CTSC: variants seen among roughly 807,000 people sequenced by gnomAD.
CTSC encodes the protein cathepsin C.
Under a neutral mutation model 40.9 loss-of-function variants are expected in CTSC, and 37 were observed. That is an observed-to-expected ratio of 0.91 (90% CI 0.70 to 1.19). CTSC has a LOEUF of 1.19. Ranked by LOEUF, CTSC falls within the 50% of genes most tolerant of loss-of-function variation. The pLI is 0.00. For missense variants in CTSC, 594 were observed against 567.3 expected, an observed-to-expected ratio of 1.05 and a Z score of -0.48; for synonymous variants, 232 against 207.4, an observed-to-expected ratio of 1.12 and a Z score of -1.02.
At chr11:88,310,599 T>C (rs551751865) in intron 3 of CTSC, among the ~76,000 whole-genome samples, 33 of 152,308 alleles carry the variant, frequency 2.2e-4, no homozygotes, top group Admixed American at 5.2e-4. Context: ...CTAAGAGCAC[T>C]GAAAATAATC....
intron 2 of CTSC, among the ~76,000 whole-genome samples, chr11:88,316,677 T>C (rs970223560): frequency 2.0e-5 from 3 of 152,172 alleles, no homozygotes; most frequent in Non-Finnish European, 2.9e-5. Flanking sequence ...AGGAAGTAAT[T>C]AACTACTAAA....
At chr11:88,335,104 A>C in intron 1 of CTSC, 22 bp from the exon 2 acceptor site, 1 of 1,487,394 alleles carries the variant, frequency 6.7e-7, no homozygotes, top group Non-Finnish European at 9.3e-7. Flanking sequence ...AAAAAAAAGC[A>C]CAATAAAGGA....
intron 2 of CTSC, 70 bp downstream of exon 2, chr11:88,334,867 T>A: frequency 1.8e-6 from 2 of 1,112,440 alleles, no homozygotes; most frequent in Admixed American, 3.4e-5. Context: ...ATTCTGAGGG[T>A]CTACTAATCA....
chr11:88,308,216 C>T (rs180967730), intron 4 of CTSC, among the ~76,000 whole-genome samples: 6 of 152,308 alleles, frequency 3.9e-5, no homozygotes, highest in Admixed American at 2.6e-4. Context: ...GTCATTTCGG[C>T]TACAGTTTAA....
intron 4 of CTSC, among the ~76,000 whole-genome samples, chr11:88,305,424 G>A (rs1389483919): frequency 6.6e-6 from 1 of 152,164 alleles, no homozygotes; most frequent in Non-Finnish European, 1.5e-5. Flanking sequence ...GAGTCTGGGG[G>A]ATAAAAAGGT....
At chr11:88,326,920 T>A (rs942313021) in intron 2 of CTSC, among the ~76,000 whole-genome samples, 7 of 152,048 alleles carry the variant, frequency 4.6e-5, no homozygotes, top group Non-Finnish European at 8.8e-5. Context: ...GAGTGAAGAG[T>A]TAAGGATAAA....
At chr11:88,297,780 A>C (rs935101859) in intron 5 of CTSC, 1 of 152,240 alleles carries the variant, frequency 6.6e-6, no homozygotes, top group Non-Finnish European at 1.5e-5. Context: ...TTCAACAGCC[A>C]AGGCCAATCT....
At chr11:88,328,163 G>T in intron 2 of CTSC, 1 of 1,613,506 alleles carries the variant, frequency 6.2e-7, no homozygotes, top group Non-Finnish European at 8.5e-7. Context: ...GTTCCCAGCT[G>T]CATGAACAAA....
intron 2 of CTSC, among the ~76,000 whole-genome samples, chr11:88,327,308 C>T (rs1415595250): frequency 3.3e-5 from 5 of 152,116 alleles, no homozygotes; most frequent in Admixed American, 6.5e-5. Context: ...ATAAGATAAA[C>T]CTATGGTGCT....
rs1944266925 is a variant in CTSC, at chr11:88,293,778, AC to A, written c.*227del. 1.7e-6 allele frequency: 1 copy of A among 585,986 alleles called. No individual in the cohort carries two copies. 36.3% of individuals were successfully genotyped at this position (585,986 alleles called of 1,614,324 possible). Reference sequence around the variant, plus strand: ...AGCAAACTCTATTACTTCATAGCTGACCATCTTCCAGAAAATTCCCACTTAA... The same window carrying A: ...AGCAAACTCTATTACTTCATAGCTGACATCTTCCAGAAAATTCCCACTTAA... On this transcript the variant is annotated 3_prime_UTR_variant, in exon 7 of 7. Coordinates refer to ENST00000227266, the MANE Select transcript of CTSC (RefSeq NM_001814.6).
intron 4 of CTSC, among the ~76,000 whole-genome samples, chr11:88,306,738 G>T (rs986709911): frequency 6.6e-6 from 1 of 152,180 alleles, no homozygotes; most frequent in African/African-American, 2.4e-5. Flanking sequence ...CAATTCTTCT[G>T]GTACACTGAG....
chr11:88,334,387 C>T (rs985303452), intron 2 of CTSC, among the ~76,000 whole-genome samples: 16 of 152,206 alleles, frequency 1.1e-4, no homozygotes, highest in African/African-American at 3.9e-4. Context: ...GCTGGGTTGA[C>T]TTGGCTACCT....
At position 88,335,088 on chromosome 11, in the gene CTSC, G is replaced by GAAA; in HGVS notation, c.173-9_173-7dup. 44 of 1,227,104 alleles carry GAAA rather than the reference G, an allele frequency of 3.6e-5. No homozygotes were observed. Among genetic ancestry groups the GAAA allele is most frequent in the Non-Finnish European group, 4.5e-5 (40 of 882,774 alleles). 76.0% of individuals were successfully genotyped at this position (1,227,104 alleles called of 1,614,324 possible). ...TACTTTTTTTTCTTGTGGTCCTAAAGAAAAAAAAAAAAAGCACAATAAAGG... is the reference window on the plus strand; with the variant it reads ...TACTTTTTTTTCTTGTGGTCCTAAAGAAAAAAAAAAAAAAAAGCACAATAAAGG... On this transcript the variant is annotated splice_polypyrimidine_tract_variant and splice_region_variant and intron_variant, in intron 1 of 6. Transcript: ENST00000227266.
At chr11:88,325,759 T>G (rs559383288) in intron 2 of CTSC, 1 of 985,434 alleles carries the variant, frequency 1.0e-6, no homozygotes, top group East Asian at 1.1e-4. Context: ...ACTGGAGGTC[T>G]ATAATCTGTA....
chr11:88,297,963 A>T (rs1944316184), intron 5 of CTSC: 1 of 152,204 alleles, frequency 6.6e-6, no homozygotes, highest in African/African-American at 2.4e-5. Context: ...AGTGAAGAAC[A>T]CACTGAACTA....
At chr11:88,322,384 C>T (rs1938042725) in intron 2 of CTSC, 1 of 152,102 alleles carries the variant, frequency 6.6e-6, no homozygotes, top group African/African-American at 2.4e-5. Context: ...TTGGGTTTTA[C>T]ATTTAAGTCT....
At chr11:88,310,490 G>A (rs1385415455) in intron 3 of CTSC, among the ~76,000 whole-genome samples, 2 of 152,094 alleles carry the variant, frequency 1.3e-5, no homozygotes, top group African/African-American at 4.8e-5. Context: ...TGCAAAACAA[G>A]ATATAATTAA....
chr11:88,294,257 G>A lies in CTSC; in HGVS notation c.1141C>T (p.Leu381Phe). Residue 381 changes from leucine to phenylalanine, a missense_variant, in exon 7 of 7, where the codon CTC (leucine) becomes TTC (phenylalanine). Transcript: ENST00000227266. ...TGGTAGATCCCCTTTTTGTAGTGGA[G>A]GAAGTCATCATATACTTCAAAAGCA... The part of the protein sequence containing the change: ...AVAFEVYDDF[L>F]HYKKGIYHHT... The A allele has an allele frequency of 6.2e-7, 1 of 1,613,916 alleles. No homozygotes were observed.
In CTSC at chr11:88,308,137, G is replaced by A. The variant is rs1431321957; in HGVS notation, c.641+1026C>T. ...AACTATGAGAGTGAAAGAGAGCTAA[G>A]CTAACCCATCCCCCATCTTGCCTTC... On this transcript the variant is annotated intron_variant, in intron 4 of 6. Coordinates refer to ENST00000227266, the MANE Select transcript of CTSC (RefSeq NM_001814.6). Among the ~76,000 whole-genome samples the A allele has an allele frequency of 2.6e-5, 4 of 152,214 alleles. No homozygotes were observed. The East Asian group carries it at 5.8e-4, about 22-fold the overall frequency.
Sources: gnomAD v4.1 joint callset for allele counts (sites outside exome capture counted in the v4.1 genomes callset) on GRCh38, gnomAD v4.1.1 for gene constraint, MANE v1.5 for transcripts, NCBI Gene and HGNC (gene_info 2026-07-23, HGNC 2026-07-21) for gene names.